Variants in ANO7 observed in about 807,000 individuals in gnomAD.
ANO7 encodes anoctamin-7.
A neutral mutation model predicts 115.8 loss-of-function variants in ANO7; 114 were observed. The observed-to-expected ratio is 0.98, with a 90% CI of 0.85 to 1.15. The LOEUF is 1.15. Among genes scored for constraint, ANO7 ranks in the 50% most tolerant of loss-of-function variants. The pLI is 0.00. For synonymous variants in ANO7, 550 were observed against 498.2 expected, an observed-to-expected ratio of 1.10 and a Z score of -1.38; for missense variants, 1,302 against 1,201.2, an observed-to-expected ratio of 1.08 and a Z score of -1.24.
At chr2:241,236,206 G>A in the ANO7 span, 170 of 238,250 alleles carry the variant, frequency 7.1e-4, no homozygotes, top group Non-Finnish European at 1.0e-3. Flanking sequence ...ACTGAGAGCA[G>A]CATCCAGTAC....
intron 24 of ANO7, 68 bp downstream of exon 24, chr2:241,224,023 C>T: frequency 6.2e-7 from 1 of 1,613,388 alleles, no homozygotes; most frequent in Non-Finnish European, 8.5e-7. Context: ...TGCCCAGCCG[C>T]CCACTGTGCC....
At chr2:241,217,664 G>C (rs1190641688) in intron 19 of ANO7, 22 bp from the exon 20 acceptor site, 2 of 1,560,864 alleles carry the variant, frequency 1.3e-6, no homozygotes, top group Middle Eastern at 1.7e-4. Flanking sequence ...CGGAGAGCCC[G>C]GCCGTGACCC....
chr2:241,236,679 C>T, the ANO7 span: 1 of 1,614,154 alleles, frequency 6.2e-7, no homozygotes, highest in Admixed American at 1.7e-5. Flanking sequence ...GATGTCACAC[C>T]TCCTTGGAGA....
rs558481702 is a variant in ANO7 at position 241,194,308 on chromosome 2, C to CTT, written c.167-1380_167-1379dup. 1.4e-3 allele frequency among the ~76,000 whole-genome samples: 183 copies of CTT among 131,760 alleles called. 1 individual carries two copies. The highest frequency in any genetic ancestry group is 8.5e-3 in the Middle Eastern group (2 of 234). The allele number at this position is 131,760 out of a possible 152,430, so 86.4% of individuals were successfully genotyped here. On this transcript the variant is annotated intron_variant, in intron 3 of 24. Transcript: ENST00000674324. ...TAGGTATATAGAAATTATTTATTTC[C>CTT]TTTTTTTTTTTTTTTTGAGATGGAG...
At chr2:241,223,635 G>A in intron 22 of ANO7, 27 bp from the exon 23 acceptor site, 1 of 1,607,334 alleles carries the variant, frequency 6.2e-7, no homozygotes, top group Non-Finnish European at 8.5e-7. Context: ...CGTTTGGGTG[G>A]GCGTGAGTGC....
chr2:241,227,799 G>A (rs1009159294), downstream of ANO7: 6 of 152,316 alleles, frequency 3.9e-5, no homozygotes, highest in African/African-American at 1.5e-4. Flanking sequence ...AACTCATGCA[G>A]ATGGGGAAGA....
At position 241,218,348 on chromosome 2, in the gene ANO7, C is replaced by T. The variant is rs768877796; in HGVS notation, c.2288C>T (p.Ser763Phe). 34 of 1,482,484 alleles carry T rather than the reference C, an allele frequency of 2.3e-5. No individual in the cohort carries two copies. Among genetic ancestry groups the T allele is most frequent in the Middle Eastern group, 4.2e-4 (2 of 4,728 alleles). 91.8% of individuals were successfully genotyped at this position (1,482,484 alleles called of 1,614,324 possible). ...FLNFTLARAP[S>F]SFAAAHNRTC... is the part of the protein sequence containing the mutation. ...AACTTCACGCTGGCGCGAGCCCCGTCCTCCTTCGCCGCCGCGCACAACCGC... is the reference window on the plus strand; with the variant it reads ...AACTTCACGCTGGCGCGAGCCCCGTTCTCCTTCGCCGCCGCGCACAACCGC... The change falls in exon 21 of 25, where the codon TCC becomes TTC. Residue 763 changes from serine to phenylalanine, a missense_variant. Transcript: ENST00000674324.
chr2:241,237,653 G>C, the ANO7 span, among the ~76,000 whole-genome samples: 5 of 152,230 alleles, frequency 3.3e-5, no homozygotes, highest in Admixed American at 2.0e-4. Flanking sequence ...AATTATGTAA[G>C]AGAATGTCCT....
At chr2:241,233,799 C>G in the ANO7 span, 1 of 1,613,856 alleles carries the variant, frequency 6.2e-7, no homozygotes, top group South Asian at 1.1e-5. This position sits in a 1 kb window ranked among gnomAD's most constrained non-coding sequence, Gnocchi z 4.3. Context: ...GCCCCCGACA[C>G]GCTCCAACCG....
intron 11 of ANO7, 97 bp downstream of exon 11, chr2:241,207,767 T>C: frequency 9.1e-7 from 1 of 1,099,784 alleles, no homozygotes; most frequent in Non-Finnish European, 1.4e-6. Context: ...CACCAGCCCC[T>C]GTCCTGCTTG....
chr2:241,191,786 C>T (rs1164946512), intron 3 of ANO7, among the ~76,000 whole-genome samples: 1 of 135,090 alleles, frequency 7.4e-6, no homozygotes, highest in Non-Finnish European at 1.6e-5. Context: ...TAAAAAAAAT[C>T]ACAAGTGTTG....
At chr2:241,195,883 G>T in intron 4 of ANO7, 38 bp downstream of exon 4, 1 of 1,613,844 alleles carries the variant, frequency 6.2e-7, no homozygotes. Flanking sequence ...CCTAGGCCCT[G>T]CATCCACTCA....
chr2:241,209,433 G>GCC lies in ANO7; in HGVS notation c.1221+6_1221+7dup. ...TCTGACTACGAGGACACTGAGGTGA[G>GCC]CCACCCCCGCTGGACCACGGTCACA... is the stretch of plus-strand genomic sequence containing the variant. On this transcript the variant is annotated splice_donor_region_variant and intron_variant, in intron 12 of 24. Transcript: ENST00000674324. 3 of 1,594,786 alleles carry GCC rather than the reference G, an allele frequency of 1.9e-6. No individual in the cohort carries two copies. Among genetic ancestry groups the GCC allele is most frequent in the Non-Finnish European group, 2.6e-6 (3 of 1,172,262 alleles).
chr2:241,204,267 C>T (rs982157023), intron 9 of ANO7, among the ~76,000 whole-genome samples: 11 of 152,316 alleles, frequency 7.2e-5, no homozygotes, highest in East Asian at 3.9e-4. Flanking sequence ...GGCAGACTTG[C>T]GTTTCACAGC....
At position 241,199,438 on chromosome 2, in the gene ANO7, T is replaced by TGGGGACAGGG. The variant is rs756905167; in HGVS notation, c.417+16_417+25dup. 1.2e-6 allele frequency: 2 copies of TGGGGACAGGG among 1,613,062 alleles called. No homozygotes were observed. The highest frequency in any genetic ancestry group is 2.2e-5 in the South Asian group (2 of 91,072). On this transcript the variant is annotated intron_variant, in intron 5 of 24. Transcript: ENST00000674324. ...TGCCCTTGCAGGTACGTGGGAGGCATGGGGACAGGGTGGGCCTGGAGGTCC... is the reference window on the plus strand; with the variant it reads ...TGCCCTTGCAGGTACGTGGGAGGCATGGGGACAGGGGGGGACAGGGTGGGCCTGGAGGTCC...
At chr2:241,211,921 A>C (rs1391747294) in intron 15 of ANO7, among the ~76,000 whole-genome samples, 173 bp from the exon 16 acceptor site, 1 of 152,180 alleles carries the variant, frequency 6.6e-6, no homozygotes, top group Admixed American at 6.5e-5. Flanking sequence ...CCTGTTAATC[A>C]ACATGTTTTT....
intron 4 of ANO7, chr2:241,199,071 CA>C (rs2068408006): frequency 8.0e-6 from 4 of 503,042 alleles, no homozygotes; most frequent in Non-Finnish European, 1.5e-5. Flanking sequence ...CCGGTCCCAA[CA>C]GCATGCTGTC....
chr2:241,189,481 C>G (rs1350020522), intron 1 of ANO7, among the ~76,000 whole-genome samples: 2 of 152,168 alleles, frequency 1.3e-5, no homozygotes, highest in Non-Finnish European at 2.9e-5. Context: ...GGCACCTGTC[C>G]TCCCACAGAG....
At chr2:241,194,184 T>A (rs2068267644) in intron 3 of ANO7, among the ~76,000 whole-genome samples, 1 of 151,500 alleles carries the variant, frequency 6.6e-6, no homozygotes. Flanking sequence ...CTTTAATTTT[T>A]TTTTTTTTTT....
Sources: gnomAD v4.1 joint callset for allele counts (sites outside exome capture counted in the v4.1 genomes callset) on GRCh38, gnomAD v4.1.1 for gene constraint, Gnocchi (gnomAD v3.1) non-coding constraint, MANE v1.5 for transcripts, NCBI Gene and HGNC (gene_info 2026-07-23, HGNC 2026-07-21) for gene names.